The following ALK variants were observed in gnomAD, a reference collection of about 807,000 sequenced individuals.
ALK encodes ALK receptor tyrosine kinase.
In ALK, 74 loss-of-function variants were observed where a neutral mutation model predicts 163.1. The observed-to-expected ratio is 0.45, with a 90% CI of 0.38 to 0.55. ALK has a LOEUF of 0.55. Ranked by LOEUF, ALK falls within the 20% of genes least tolerant of loss-of-function variation. The pLI is 0.00. For synonymous variants in ALK, 960 were observed against 843.2 expected, an observed-to-expected ratio of 1.14 and a Z score of -2.40; for missense variants, 2,063 against 2,105.3, an observed-to-expected ratio of 0.98 and a Z score of 0.39.
intron 1 of ALK, among the ~76,000 whole-genome samples, chr2:29,792,275 T>C (rs1009358202): frequency 7.9e-5 from 12 of 152,174 alleles, no homozygotes; most frequent in Non-Finnish European, 1.5e-4. Context: ...GGTAGATAGA[T>C]GGAATAATGG....
chr2:29,277,223 G>A (rs1342924715), intron 9 of ALK, among the ~76,000 whole-genome samples: 2 of 152,206 alleles, frequency 1.3e-5, no homozygotes, highest in Non-Finnish European at 2.9e-5. Flanking sequence ...TGCTCATATG[G>A]ATTTGCAGTG....
chr2:29,506,574 A>G (rs1350240155), intron 4 of ALK, among the ~76,000 whole-genome samples: 1 of 152,006 alleles, frequency 6.6e-6, no homozygotes, highest in Admixed American at 6.6e-5. Flanking sequence ...GTGAAACCCC[A>G]TCTTTACTAA....
chr2:29,763,243 A>C (rs1195530223), intron 1 of ALK, among the ~76,000 whole-genome samples: 1 of 152,124 alleles, frequency 6.6e-6, no homozygotes, highest in Non-Finnish European at 1.5e-5. Context: ...AGTATCTATC[A>C]TGTAGGGTTG....
rs146094576 is a variant in ALK at position 29,677,016 on chromosome 2, T to C, written c.952+17834A>G. ...TGGTAAATTCATTTGTTTGTTAAAT[T>C]AGCTTTCATTTTTTGTGAATTCTTT... On this transcript the variant is annotated intron_variant, in intron 3 of 28. Coordinates refer to ENST00000389048, the MANE Select transcript of ALK (RefSeq NM_004304.5). Among the ~76,000 whole-genome samples, 263 of 152,214 alleles carry C rather than the reference T, an allele frequency of 1.7e-3. 1 individual carries two copies. The highest frequency in any genetic ancestry group is 5.8e-3 in the African/African-American group (241 of 41,568).
At chr2:29,303,405 G>A (rs1185707634) in intron 8 of ALK, among the ~76,000 whole-genome samples, 3 of 152,180 alleles carry the variant, frequency 2.0e-5, no homozygotes, top group Non-Finnish European at 2.9e-5. Flanking sequence ...AAGATACATA[G>A]AAAAGAGAAT....
At chr2:29,571,355 G>A (rs529585741) in intron 3 of ALK, among the ~76,000 whole-genome samples, 4 of 152,264 alleles carry the variant, frequency 2.6e-5, no homozygotes, top group Admixed American at 6.5e-5. Context: ...CAATCCCCAC[G>A]TGTCAAGGGA....
At chr2:29,365,380 G>T (rs1419513933) in intron 5 of ALK, among the ~76,000 whole-genome samples, 1 of 152,196 alleles carries the variant, frequency 6.6e-6, no homozygotes, top group Non-Finnish European at 1.5e-5. Flanking sequence ...CAGGGTGATG[G>T]CCATCTCTGG....
chr2:29,864,659 A>T (rs912298193), intron 1 of ALK, among the ~76,000 whole-genome samples: 6 of 152,172 alleles, frequency 3.9e-5, no homozygotes, highest in Non-Finnish European at 8.8e-5. Context: ...TTCTTCATAC[A>T]TATTGTCTCA....
intron 1 of ALK, among the ~76,000 whole-genome samples, chr2:29,831,070 G>GGGAGGAGGA (rs751792416): frequency 1.7e-4 from 4 of 23,522 alleles, no homozygotes; most frequent in African/African-American, 6.2e-4. Context: ...GGGGAGGAAG[G>GGGAGGAGGA]GGAGGAGGAG....
At chr2:29,247,527 T>C (rs1664711834) in intron 12 of ALK, among the ~76,000 whole-genome samples, 1 of 152,222 alleles carries the variant, frequency 6.6e-6, no homozygotes, top group Non-Finnish European at 1.5e-5. Context: ...TGCTGTCTTC[T>C]CCTGCCTGCC....
chr2:29,476,049 G>A (rs1343276488), intron 4 of ALK, among the ~76,000 whole-genome samples: 4 of 152,200 alleles, frequency 2.6e-5, no homozygotes, highest in Admixed American at 6.5e-5. Flanking sequence ...CTCCTCCAGC[G>A]CTGCCTATGG....
intron 1 of ALK, among the ~76,000 whole-genome samples, chr2:29,784,895 T>C (rs1298067240): frequency 1.3e-5 from 2 of 152,128 alleles, no homozygotes; most frequent in African/African-American, 2.4e-5. Context: ...CTTTAGTTTA[T>C]AAAGCATGGC....
At chr2:29,878,399 C>G (rs1166382646) in intron 1 of ALK, among the ~76,000 whole-genome samples, 1 of 152,202 alleles carries the variant, frequency 6.6e-6, no homozygotes, top group African/African-American at 2.4e-5. Flanking sequence ...CACAACATTC[C>G]TGCAGTCATT....
rs1409784073 is a variant in ALK, at chr2:29,580,750, G to A, written c.953-48634C>T. Reference sequence around the variant, plus strand: ...TTTGGTTCAGCTTGAACAAAAACGGGCCCTGACGTGGTTTGGGGCTATTTA... The same window carrying A: ...TTTGGTTCAGCTTGAACAAAAACGGACCCTGACGTGGTTTGGGGCTATTTA... On this transcript the variant is annotated intron_variant, in intron 3 of 28. Transcript: ENST00000389048. 3.9e-5 allele frequency among the ~76,000 whole-genome samples: 6 copies of A among 152,218 alleles called. No homozygotes were observed. In the South Asian group the frequency reaches 6.2e-4, roughly 16 times the overall value.
At position 29,659,060 on chromosome 2, in the gene ALK, A is replaced by T. The variant is rs377140952; in HGVS notation, c.952+35790T>A. ...TCCTCCCTCCCCTCCCCTTAAAGAG[A>T]TGATGATGTTAAAGTCCTAGATTTA... On this transcript the variant is annotated intron_variant, in intron 3 of 28. Coordinates refer to ENST00000389048, the MANE Select transcript of ALK (RefSeq NM_004304.5). Among the ~76,000 whole-genome samples the T allele has an allele frequency of 8.6e-5, 13 of 151,992 alleles. No individual in the cohort carries two copies. In the East Asian group the frequency reaches 1.3e-3, roughly 16 times the overall value.
At chr2:29,513,587 G>C (rs972108209) in intron 4 of ALK, among the ~76,000 whole-genome samples, 3 of 151,922 alleles carry the variant, frequency 2.0e-5, no homozygotes, top group Admixed American at 1.3e-4. Flanking sequence ...ACTTAGGCAC[G>C]GGCAAGGACT....
At chr2:29,562,634 G>A (rs2148183924) in intron 3 of ALK, among the ~76,000 whole-genome samples, 1 of 152,030 alleles carries the variant, frequency 6.6e-6, no homozygotes, top group Non-Finnish European at 1.5e-5. Context: ...TGAAGAAGGG[G>A]GAAAAAAAAT....
At chr2:29,329,501 A>G (rs2148259579) in intron 5 of ALK, among the ~76,000 whole-genome samples, 1 of 152,142 alleles carries the variant, frequency 6.6e-6, no homozygotes. Context: ...AGCCTGCCTT[A>G]CTCTCTGCCT....
At chr2:29,832,294 G>A (rs955460612) in intron 1 of ALK, among the ~76,000 whole-genome samples, 1 of 152,150 alleles carries the variant, frequency 6.6e-6, no homozygotes, top group African/African-American at 2.4e-5. Context: ...GCTGGGTGTG[G>A]GGTCCCATCA....
Sources: allele counts gnomAD v4.1 joint callset (sites outside exome capture counted in the v4.1 genomes callset), GRCh38; gene constraint gnomAD v4.1.1; transcripts MANE v1.5; gene names NCBI Gene and HGNC (gene_info 2026-07-23, HGNC 2026-07-21).